VPS13B: variants seen among roughly 807,000 people sequenced by gnomAD.
The protein encoded by VPS13B is intermembrane lipid transfer protein VPS13B.
A neutral mutation model predicts 426.4 loss-of-function variants in VPS13B; 285 were observed. That is an observed-to-expected ratio of 0.67 (90% confidence interval 0.61 to 0.74). VPS13B has a LOEUF of 0.74. VPS13B is among the 30% of genes least tolerant of loss of function. The probability of loss-of-function intolerance (pLI) is 0.00; values close to 1 mark genes in which losing one functional copy is unlikely to be tolerated. For missense variants in VPS13B, 4,537 were observed against 4,782.6 expected, an observed-to-expected ratio of 0.95 and a Z score of 1.51; for synonymous variants, 1,676 against 1,676.4, an observed-to-expected ratio of 1.00 and a Z score of 0.01.
At chr8:99,048,062 A>G (rs1843323897) in intron 3 of VPS13B, among the ~76,000 whole-genome samples, 1 of 152,178 alleles carries the variant, frequency 6.6e-6, no homozygotes. Flanking sequence ...ATTGTCATTC[A>G]GTTCGAAGAA....
At chr8:99,853,278 G>A (rs975807532) in intron 55 of VPS13B, among the ~76,000 whole-genome samples, 173 bp from the exon 56 acceptor site, 7 of 152,152 alleles carry the variant, frequency 4.6e-5, no homozygotes, top group Admixed American at 3.9e-4. Context: ...CTGTTGGAGT[G>A]TGACTGACTC....
chr8:99,085,372 A>T (rs570031113), intron 3 of VPS13B, among the ~76,000 whole-genome samples: 12 of 152,214 alleles, frequency 7.9e-5, no homozygotes, highest in African/African-American at 2.6e-4. Flanking sequence ...GGGTTTCCTG[A>T]ATACAGCACA....
At position 99,034,384 on chromosome 8, in the gene VPS13B, A is replaced by C. The variant is rs539173154; in HGVS notation, c.148-4039A>C. Among the ~76,000 whole-genome samples the C allele has an allele frequency of 1.3e-4, 20 of 149,714 alleles. 1 individual carries two copies. The East Asian group carries it at 3.9e-3, about 29-fold the overall frequency. ...ATGGGATATATACATTTATTGGGTA[A>C]TACTTTCAAAGTCAGGAGATTATAA... On this transcript the variant is annotated intron_variant, in intron 2 of 61. Transcript: ENST00000357162.
rs1814118886 is a variant in VPS13B at position 99,817,589 on chromosome 8, T to C, written c.8147T>C (p.Ile2716Thr). ...ATCTGTAGTTACTTGTCTCAAAGCA[T>C]AGAACTAAAAGTCGTTCAGCATTAC... ...QIICSYLSQS[I>T]ELKVVQHYIG... Residue 2716 changes from isoleucine to threonine, a missense_variant, in exon 45 of 62, where the codon ATA (isoleucine) becomes ACA (threonine). Transcript: ENST00000357162. 6.2e-7 allele frequency: 1 copy of C among 1,613,968 alleles called. No individual in the cohort carries two copies. The highest frequency in any genetic ancestry group is 8.5e-7 in the Non-Finnish European group (1 of 1,179,988).
intron 17 of VPS13B, among the ~76,000 whole-genome samples, chr8:99,208,377 A>C (rs927573992): frequency 6.6e-6 from 1 of 151,864 alleles, no homozygotes; most frequent in South Asian, 2.1e-4. Flanking sequence ...CTTTCTTTTT[A>C]TTTCCTTTTT....
At chr8:99,423,263 A>T (rs1162705648) in intron 21 of VPS13B, among the ~76,000 whole-genome samples, 7 of 145,210 alleles carry the variant, frequency 4.8e-5, no homozygotes, top group African/African-American at 1.5e-4. Context: ...GTATGTGTGA[A>T]TTTTTTTTTT....
chr8:99,343,494 T>C (rs1232305644), intron 19 of VPS13B, among the ~76,000 whole-genome samples: 3 of 152,204 alleles, frequency 2.0e-5, no homozygotes, highest in African/African-American at 7.2e-5. Context: ...TTCCATTTTG[T>C]GGGTTTGCTT....
At chr8:99,495,770 T>G (rs770988328) in intron 25 of VPS13B, among the ~76,000 whole-genome samples, 4 of 152,236 alleles carry the variant, frequency 2.6e-5, no homozygotes. Context: ...CTACTTAGGC[T>G]GAGATAGATA....
Position 99,854,108 on chromosome 8 carries a change from C to T in VPS13B, c.10719C>T (p.Ser3573=), listed in dbSNP as rs888814815. Residue 3573 remains serine, a synonymous_variant, in exon 56 of 62, where the codon AGC becomes AGT. Transcript: ENST00000357162. The part of the protein sequence containing the change: ...LVIQPVNLLV[S]IHASLKLYIA... ...TCCAGCCAGTAAATTTGCTCGTCAG[C>T]ATCCACGCTTCCCTCAAGCTGTACA... The T allele has an allele frequency of 4.3e-6, 7 of 1,613,038 alleles. No homozygotes were observed. Among genetic ancestry groups the T allele is most frequent in the Non-Finnish European group, 5.9e-6 (7 of 1,179,384 alleles).
intron 42 of VPS13B, among the ~76,000 whole-genome samples, 171 bp from the exon 43 acceptor site, chr8:99,784,143 AT>A (rs1211656494): frequency 2.0e-5 from 3 of 152,204 alleles, no homozygotes; most frequent in Admixed American, 6.5e-5. Context: ...TCTTAAAGGT[AT>A]TTTTTATGTG....
At chr8:99,714,941 G>T (rs1204847756) in intron 36 of VPS13B, among the ~76,000 whole-genome samples, 1 of 152,124 alleles carries the variant, frequency 6.6e-6, no homozygotes, top group African/African-American at 2.4e-5. Flanking sequence ...AAAAAGATGT[G>T]TAGATTATTT....
At chr8:99,461,569 C>G (rs760516770) in intron 23 of VPS13B, among the ~76,000 whole-genome samples, 1 of 151,960 alleles carries the variant, frequency 6.6e-6, no homozygotes, top group Non-Finnish European at 1.5e-5. Context: ...TTAAGGTTAT[C>G]TAATTGTTTT....
intron 23 of VPS13B, among the ~76,000 whole-genome samples, chr8:99,449,794 G>C (rs1328240122): frequency 6.6e-6 from 1 of 151,726 alleles, no homozygotes; most frequent in African/African-American, 2.4e-5. Flanking sequence ...TTTTATCACA[G>C]TATTTTCAGA....
intron 44 of VPS13B, among the ~76,000 whole-genome samples, chr8:99,816,330 G>A (rs1472600216): frequency 2.0e-5 from 3 of 152,036 alleles, no homozygotes; most frequent in South Asian, 2.1e-4. Flanking sequence ...TCGAACTCCC[G>A]ACCTCAGGTG....
intron 17 of VPS13B, among the ~76,000 whole-genome samples, chr8:99,254,000 C>T (rs1047406211): frequency 6.6e-6 from 1 of 152,146 alleles, no homozygotes; most frequent in Admixed American, 6.5e-5. Flanking sequence ...AGAATCTATA[C>T]TTGCTCTTAT....
intron 19 of VPS13B, among the ~76,000 whole-genome samples, chr8:99,338,015 A>T (rs1034245894): frequency 1.3e-5 from 2 of 152,118 alleles, no homozygotes; most frequent in Admixed American, 1.3e-4. Flanking sequence ...CAACATATGC[A>T]TGATTTTATT....
intron 39 of VPS13B, among the ~76,000 whole-genome samples, chr8:99,742,821 T>C (rs549032904): frequency 8.5e-5 from 13 of 152,312 alleles, no homozygotes; most frequent in African/African-American, 2.9e-4. Flanking sequence ...TGATGGGACG[T>C]ATCTCAAAAT....
chr8:99,576,395 A>G (rs751176691), intron 32 of VPS13B, among the ~76,000 whole-genome samples: 11 of 151,996 alleles, frequency 7.2e-5, no homozygotes, highest in Non-Finnish European at 1.2e-4. Context: ...TTAATCCTGA[A>G]TTGGTATACT....
intron 33 of VPS13B, among the ~76,000 whole-genome samples, chr8:99,586,879 C>T (rs994002190): frequency 8.5e-5 from 13 of 152,112 alleles, no homozygotes; most frequent in Non-Finnish European, 1.3e-4. Context: ...GCACAACATG[C>T]AGGTTTCTTA....
Sources: allele counts gnomAD v4.1 joint callset (sites outside exome capture counted in the v4.1 genomes callset), GRCh38; gene constraint gnomAD v4.1.1; transcripts MANE v1.5; gene names NCBI Gene and HGNC (gene_info 2026-07-23, HGNC 2026-07-21).